The following LYPLAL1 variants were observed in gnomAD, a reference collection of about 807,000 sequenced individuals.
LYPLAL1 encodes the protein lysophospholipase like 1.
A neutral mutation model predicts 19.7 loss-of-function variants in LYPLAL1; 23 were observed. The ratio of observed to expected loss-of-function variants is 1.17; its 90% CI spans 0.84 to 1.65. LYPLAL1 has a LOEUF of 1.65. LYPLAL1 is among the 40% of genes most tolerant of loss of function. LYPLAL1 has a pLI of 0.00. For synonymous variants in LYPLAL1, 119 were observed against 96.3 expected, an observed-to-expected ratio of 1.24 and a Z score of -1.38; for missense variants, 355 against 279.4, an observed-to-expected ratio of 1.27 and a Z score of -1.93.
chr1:219,383,943 G>A, the LYPLAL1 span, among the ~76,000 whole-genome samples: 1 of 152,136 alleles, frequency 6.6e-6, no homozygotes, highest in Non-Finnish European at 1.5e-5. Context: ...TAGGGCTATA[G>A]CATTTTCTTC....
chr1:219,195,250 C>A (rs1171457489), intron 3 of LYPLAL1, among the ~76,000 whole-genome samples: 1 of 151,994 alleles, frequency 6.6e-6, no homozygotes, highest in African/African-American at 2.4e-5. Flanking sequence ...GGTAAAGGAT[C>A]ATTAAATAAT....
chr1:219,325,762 G>A, the LYPLAL1 span, among the ~76,000 whole-genome samples: 1 of 152,116 alleles, frequency 6.6e-6, no homozygotes, highest in Non-Finnish European at 1.5e-5. Context: ...AGCACATATT[G>A]TTAATCCACT....
chr1:219,431,180 T>C, the LYPLAL1 span, among the ~76,000 whole-genome samples: 2 of 152,296 alleles, frequency 1.3e-5, no homozygotes, highest in South Asian at 4.1e-4. Context: ...GAAGGATGGT[T>C]AAGAAGCCAG....
At chr1:219,373,863 C>CAAAAAAAA in the LYPLAL1 span, among the ~76,000 whole-genome samples, 13 of 102,212 alleles carry the variant, frequency 1.3e-4, no homozygotes, top group African/African-American at 1.1e-4. Context: ...ATAAAATTGT[C>CAAAAAAAA]AAAAAAAAAA....
chr1:219,302,473 G>T, the LYPLAL1 span, among the ~76,000 whole-genome samples: 4 of 152,140 alleles, frequency 2.6e-5, no homozygotes, highest in African/African-American at 9.7e-5. Context: ...AGGTGTAGGA[G>T]GAGCACGGTC....
chr1:219,429,380 G>A, the LYPLAL1 span, among the ~76,000 whole-genome samples: 1 of 152,172 alleles, frequency 6.6e-6, no homozygotes, highest in African/African-American at 2.4e-5. Context: ...AATTCCAGCA[G>A]GGCGCAGTGG....
chr1:219,224,530 C>T, the LYPLAL1 span, among the ~76,000 whole-genome samples: 3 of 152,004 alleles, frequency 2.0e-5, no homozygotes, highest in Admixed American at 1.3e-4. Context: ...CAAAGAACAG[C>T]GGTGACGTAC....
the LYPLAL1 span, among the ~76,000 whole-genome samples, chr1:219,260,710 G>A: frequency 6.7e-6 from 1 of 149,612 alleles, no homozygotes; most frequent in Non-Finnish European, 1.5e-5. Context: ...ACAGACACAT[G>A]CATAAATACA....
the LYPLAL1 span, among the ~76,000 whole-genome samples, chr1:219,402,995 C>A: frequency 2.0e-3 from 307 of 152,246 alleles, 3 homozygotes; most frequent in African/African-American, 7.2e-3. Context: ...CAGAGAATTA[C>A]TGGAACCCAA....
chr1:219,435,468 A>G, the LYPLAL1 span: 1 of 152,178 alleles, frequency 6.6e-6, no homozygotes, highest in East Asian at 1.9e-4. Context: ...ATTAGCCTGC[A>G]CTTAACTTGC....
chr1:219,174,867 T>G (rs1221256290), intron 1 of LYPLAL1: 2 of 981,108 alleles, frequency 2.0e-6, no homozygotes, highest in Non-Finnish European at 2.4e-6. Flanking sequence ...CCAATTAGTT[T>G]GAGTCAGCAG....
At chr1:219,219,794 T>C in the LYPLAL1 span, among the ~76,000 whole-genome samples, 1 of 152,082 alleles carries the variant, frequency 6.6e-6, no homozygotes, top group African/African-American at 2.4e-5. Flanking sequence ...GGGGCTCTTT[T>C]TTGCTATTTC....
the LYPLAL1 span, among the ~76,000 whole-genome samples, chr1:219,417,744 A>G: frequency 6.6e-6 from 1 of 152,178 alleles, no homozygotes; most frequent in South Asian, 2.1e-4. Context: ...TGGCTTTGCC[A>G]CCTCAGTCCC....
the LYPLAL1 span, among the ~76,000 whole-genome samples, chr1:219,429,551 G>A: frequency 1.3e-5 from 2 of 152,112 alleles, no homozygotes; most frequent in African/African-American, 4.8e-5. Context: ...CCACCACTTG[G>A]GGGGCTGAGG....
At chr1:219,431,381 TAG>T in the LYPLAL1 span, among the ~76,000 whole-genome samples, 1 of 152,204 alleles carries the variant, frequency 6.6e-6, no homozygotes. Context: ...TTTTTGCAAT[TAG>T]AGAGTTACTT....
chr1:219,411,031 A>AT, the LYPLAL1 span, among the ~76,000 whole-genome samples: 2 of 152,198 alleles, frequency 1.3e-5, no homozygotes, highest in Non-Finnish European at 2.9e-5. Context: ...GGGCTGAGGA[A>AT]TGCGAGCGCA....
intron 1 of LYPLAL1, chr1:219,174,306 T>G: frequency 8.3e-7 from 1 of 1,198,460 alleles, no homozygotes; most frequent in Non-Finnish European, 1.0e-6. Context: ...GTTAGTAAGG[T>G]AAGTCTTCTG....
At chr1:219,289,875 C>A in the LYPLAL1 span, among the ~76,000 whole-genome samples, 1 of 152,276 alleles carries the variant, frequency 6.6e-6, no homozygotes, top group East Asian at 1.9e-4. Context: ...GATATTAATG[C>A]CCCTTGGCCA....
At chr1:219,329,377 C>G in the LYPLAL1 span, among the ~76,000 whole-genome samples, 2 of 152,078 alleles carry the variant, frequency 1.3e-5, no homozygotes, top group African/African-American at 4.8e-5. Flanking sequence ...ATGATTTTTT[C>G]CATCCTGACC....
Sources: gnomAD v4.1 joint callset for allele counts (sites outside exome capture counted in the v4.1 genomes callset) on GRCh38, gnomAD v4.1.1 for gene constraint, MANE v1.5 for transcripts, NCBI Gene and HGNC (gene_info 2026-07-23, HGNC 2026-07-21) for gene names.